Variants in EPM2A observed in about 807,000 individuals in gnomAD.
EPM2A encodes laforin.
A neutral mutation model predicts 26.5 loss-of-function variants in EPM2A; 21 were observed. The observed-to-expected ratio is 0.79, with a 90% CI of 0.56 to 1.14. The LOEUF (loss-of-function observed/expected upper bound fraction) is 1.14. Ranked by LOEUF, EPM2A falls within the 50% of genes most tolerant of loss-of-function variation. The pLI, the probability that EPM2A is intolerant of heterozygous loss-of-function variation, is 0.00. For missense variants in EPM2A, 458 were observed against 440.8 expected, an observed-to-expected ratio of 1.04 and a Z score of -0.35; for synonymous variants, 217 against 177.6, an observed-to-expected ratio of 1.22 and a Z score of -1.76.
intron 4 of EPM2A, among the ~76,000 whole-genome samples, chr6:145,398,859 CA>C (rs67242355): frequency 0.13 from 16,600 of 131,478 alleles, 930 homozygotes; most frequent in South Asian, 0.17. Flanking sequence ...GACTCTGTCT[CA>C]AAAAAAAAAA....
intron 2 of EPM2A, among the ~76,000 whole-genome samples, chr6:145,598,604 G>T (rs1279625740): frequency 2.0e-5 from 3 of 152,076 alleles, no homozygotes; most frequent in African/African-American, 4.8e-5. Context: ...AAACTCTTAA[G>T]TTTAATTAGA....
intron 2 of EPM2A, among the ~76,000 whole-genome samples, chr6:145,526,264 C>G (rs184563287): frequency 1.4e-3 from 210 of 151,898 alleles, no homozygotes; most frequent in African/African-American, 4.8e-3. Context: ...TCCCTGGGTC[C>G]TTCCCAGGTT....
intron 1 of EPM2A, among the ~76,000 whole-genome samples, chr6:145,710,684 C>T (rs546104590): frequency 1.2e-4 from 19 of 152,128 alleles, no homozygotes; most frequent in Admixed American, 4.6e-4. Context: ...ATGTTTATTG[C>T]GGCATTATTC....
At chr6:145,443,899 T>C (rs1779098774) in intron 4 of EPM2A, among the ~76,000 whole-genome samples, 1 of 152,200 alleles carries the variant, frequency 6.6e-6, no homozygotes, top group South Asian at 2.1e-4. Flanking sequence ...CCTCCATTCA[T>C]GTAAGAAGTG....
chr6:145,464,713 T>A (rs62439571), intron 4 of EPM2A, among the ~76,000 whole-genome samples: 2 of 152,154 alleles, frequency 1.3e-5, no homozygotes, highest in African/African-American at 4.8e-5. Context: ...TTTTCCTTTA[T>A]TTATCATAAT....
At chr6:145,390,464 A>G (rs1279371822) in intron 4 of EPM2A, among the ~76,000 whole-genome samples, 2 of 152,062 alleles carry the variant, frequency 1.3e-5, no homozygotes, top group Admixed American at 6.5e-5. Context: ...TTTTCTGCCA[A>G]ACTTGTCTGG....
intron 4 of EPM2A, among the ~76,000 whole-genome samples, chr6:145,493,157 G>C (rs1463843966): frequency 6.6e-6 from 1 of 152,200 alleles, no homozygotes; most frequent in East Asian, 1.9e-4. Flanking sequence ...GGTGTGCTCA[G>C]TTGGACACCT....
intron 4 of EPM2A, chr6:145,489,850 A>C: frequency 6.9e-7 from 1 of 1,442,602 alleles, no homozygotes; most frequent in Non-Finnish European, 9.7e-7. Context: ...TTCCACTGGC[A>C]CCTGATTTAT....
intron 2 of EPM2A, chr6:145,639,360 CAT>C (rs1776917630): frequency 6.6e-6 from 1 of 152,166 alleles, no homozygotes; most frequent in African/African-American, 2.4e-5. Context: ...ATTCAAGTCA[CAT>C]GAGGTACTTT....
intron 1 of EPM2A, among the ~76,000 whole-genome samples, chr6:145,690,801 G>A (rs377196073): frequency 2.0e-5 from 3 of 152,026 alleles, no homozygotes; most frequent in East Asian, 3.9e-4. Flanking sequence ...AAGATGAAAA[G>A]AGGAACTAAA....
downstream of EPM2A, among the ~76,000 whole-genome samples, chr6:145,625,089 C>CT (rs1252189936): frequency 3.9e-5 from 6 of 152,146 alleles, no homozygotes; most frequent in African/African-American, 7.2e-5. Context: ...CAGACACACT[C>CT]TAAGTTTTCA....
chr6:145,567,890 T>C (rs1780904979), intron 2 of EPM2A, among the ~76,000 whole-genome samples: 5 of 152,100 alleles, frequency 3.3e-5, no homozygotes, highest in Admixed American at 3.3e-4. Context: ...CAGCAGAGGA[T>C]TTATGTATTT....
At chr6:145,615,135 G>C (rs1302282356) in intron 2 of EPM2A, among the ~76,000 whole-genome samples, 1 of 152,202 alleles carries the variant, frequency 6.6e-6, no homozygotes, top group African/African-American at 2.4e-5. Context: ...ATATGGTTTA[G>C]CTGTGTCCCC....
At chr6:145,530,467 T>C (rs151086857) in intron 2 of EPM2A, among the ~76,000 whole-genome samples, 2 of 147,956 alleles carry the variant, frequency 1.4e-5, no homozygotes, top group African/African-American at 2.5e-5. Context: ...GATACAGAAA[T>C]GTAGCAAGGG....
intron 2 of EPM2A, among the ~76,000 whole-genome samples, chr6:145,672,209 C>T (rs1779696432): frequency 6.6e-6 from 1 of 152,052 alleles, no homozygotes; most frequent in Non-Finnish European, 1.5e-5. Flanking sequence ...AGCTATTTAC[C>T]AAGTTTTATA....
At chr6:145,395,610 C>G (rs149397891) in intron 4 of EPM2A, among the ~76,000 whole-genome samples, 70 of 152,230 alleles carry the variant, frequency 4.6e-4, no homozygotes, top group Non-Finnish European at 8.1e-4. Context: ...TCAACTAGTC[C>G]ACTGACCTGC....
At position 145,721,920 on chromosome 6, in the gene EPM2A, A is replaced by C. The variant is rs80226891; in HGVS notation, c.301+13278T>G. ...TACTACCTTTTGGGGGGAAAAATTC[A>C]TAACTTTTGTCTCTTCTCACCTGTG... On this transcript the variant is annotated intron_variant, in intron 1 of 3. Coordinates refer to ENST00000367519, the MANE Select transcript of EPM2A (RefSeq NM_005670.4). Among the ~76,000 whole-genome samples, 1,167 of 152,308 alleles carry C rather than the reference A, an allele frequency of 7.7e-3. 19 individuals are homozygous for C. Among genetic ancestry groups the C allele is most frequent in the African/African-American group, 0.027 (1,107 of 41,564 alleles).
chr6:145,712,457 T>C (rs374823288), intron 1 of EPM2A, among the ~76,000 whole-genome samples: 5 of 152,134 alleles, frequency 3.3e-5, no homozygotes, highest in East Asian at 1.9e-4. Flanking sequence ...CTTTGAAGAA[T>C]TATAACAGGA....
chr6:145,652,476 T>A (rs1777952296), intron 2 of EPM2A, among the ~76,000 whole-genome samples: 5 of 152,118 alleles, frequency 3.3e-5, no homozygotes, highest in Admixed American at 3.3e-4. Context: ...ACAGAACATA[T>A]GAACTTTTAA....
Sources: allele counts gnomAD v4.1 joint callset (sites outside exome capture counted in the v4.1 genomes callset), GRCh38; gene constraint gnomAD v4.1.1; transcripts MANE v1.5; gene names NCBI Gene and HGNC (gene_info 2026-07-23, HGNC 2026-07-21).